Variants in C4orf54 observed in about 807,000 individuals in gnomAD.
C4orf54 encodes chromosome 4 open reading frame 54.
C4orf54 carries 67 observed loss-of-function variants against 80.1 expected under a neutral mutation model. The ratio of observed to expected loss-of-function variants is 0.84; its 90% CI spans 0.69 to 1.03. The LOEUF (loss-of-function observed/expected upper bound fraction) is 1.03, where lower values mean the gene tolerates loss of function less well. C4orf54 is among the 50% of genes least tolerant of loss of function. The pLI is 0.00. For synonymous variants in C4orf54, 1,000 were observed against 917.0 expected, an observed-to-expected ratio of 1.09 and a Z score of -1.64; for missense variants, 2,434 against 2,253.5, an observed-to-expected ratio of 1.08 and a Z score of -1.62.
In C4orf54 at chr4:99,651,415, C is replaced by G; in HGVS notation, c.3234G>C (p.Gly1078=). 2.6e-6 allele frequency: 4 copies of G among 1,536,200 alleles called. No homozygotes were observed. The highest frequency in any genetic ancestry group is 3.5e-6 in the Non-Finnish European group (4 of 1,146,908). The change falls in exon 2 of 3, where the codon GGG becomes GGC. Residue 1078 remains glycine (G), a synonymous_variant. Transcript: ENST00000511828. The part of the protein sequence containing the change: ...NSRAQQKLFR[G]DNLEKVPHFQ... ...AATGGGGCACTTTTTCTAGGTTGTC[C>G]CCGCGGAAGAGTTTCTGCTGTGCCC...
chr4:99,646,260 G>T (rs1726699250), intron 2 of C4orf54, among the ~76,000 whole-genome samples: 1 of 152,166 alleles, frequency 6.6e-6, no homozygotes, highest in Admixed American at 6.5e-5. Context: ...CACTCCTGCT[G>T]GAGTGTAGGC....
Position 99,652,552 on chromosome 4 carries a change from C to T in C4orf54, c.2097G>A (p.Arg699=). 6.5e-7 allele frequency: 1 copy of T among 1,536,062 alleles called. No individual in the cohort carries two copies. The highest frequency in any genetic ancestry group is 1.4e-5 in the African/African-American group (1 of 73,132). The part of the protein sequence containing the change: ...AAGLRKGSGA[R]ATADQLYIQS... ...GGATGTAGAGCTGGTCGGCAGTGGCCCGGGCCCCACTGCCCTTCCTCAGAC... is the reference window on the plus strand; with the variant it reads ...GGATGTAGAGCTGGTCGGCAGTGGCTCGGGCCCCACTGCCCTTCCTCAGAC... Residue 699 remains arginine, a synonymous_variant, in exon 2 of 3, where the codon CGG becomes CGA. Coordinates refer to ENST00000511828, the MANE Select transcript of C4orf54 (RefSeq NM_001354435.2).
At chr4:99,656,525 C>T (rs781020252) in intron 1 of C4orf54, among the ~76,000 whole-genome samples, 4 of 152,148 alleles carry the variant, frequency 2.6e-5, no homozygotes, top group Non-Finnish European at 4.4e-5. Flanking sequence ...GTGATCCACT[C>T]GTCTCGGCTT....
chr4:99,653,940 T>C lies in C4orf54; in HGVS notation c.709A>G (p.Ser237Gly), dbSNP rs1462996902. 6.5e-7 allele frequency: 1 copy of C among 1,536,270 alleles called. No homozygotes were observed. Among genetic ancestry groups the C allele is most frequent in the Non-Finnish European group, 8.7e-7 (1 of 1,146,892 alleles). The change falls in exon 2 of 3, where the codon AGC becomes GGC. Residue 237 changes from serine to glycine, a missense_variant. Coordinates refer to ENST00000511828, the MANE Select transcript of C4orf54 (RefSeq NM_001354435.2). ...TTCTGGGGGCTTGGAGTCTTGCTGC[T>C]GGGTTCATCTTGGGCTTTCTCCTTT... is the stretch of plus-strand genomic sequence containing the variant. ...SPKEKAQDEP[S>G]SKTPSPQNNP...
rs1424060673 is a variant in C4orf54, at chr4:99,649,397, C to T, written c.5252G>A (p.Gly1751Glu). 1.3e-6 allele frequency: 2 copies of T among 1,536,124 alleles called. No individual in the cohort carries two copies. Among genetic ancestry groups the T allele is most frequent in the East Asian group, 2.4e-5 (1 of 40,912 alleles). Residue 1751 changes from glycine (G) to glutamate (E), a missense_variant, in exon 2 of 3, where the codon GGG becomes GAG. Physicochemically the swap from Gly to Glu is moderately conservative, Grantham distance 98. Transcript: ENST00000511828. ...SAPAATSQLL[G>E]AKAFAQLHGK... is the part of the protein sequence containing the mutation. The stretch of plus-strand genomic sequence containing the variant: ...ATGCAGCTGGGCAAAGGCCTTGGCC[C>T]CTAGGAGCTGGGATGTGGCTGCTGG...
At position 99,654,105 on chromosome 4, in the gene C4orf54, G is replaced by A; in HGVS notation, c.544C>T (p.Pro182Ser). The A allele has an allele frequency of 6.5e-7, 1 of 1,536,150 alleles. No homozygotes were observed. The highest frequency in any genetic ancestry group is 2.4e-5 in the East Asian group (1 of 40,902). ...CGCTGGGAGGAGGCTGAAGGCTTGG[G>A]AAGTGGCCACAGCTGCTGCTTGAGC... is the stretch of plus-strand genomic sequence containing the variant. The part of the protein sequence containing the change: ...QELKQQLWPL[P>S]KPSASSQREA... Residue 182 changes from proline to serine, a missense_variant, in exon 2 of 3, where the codon CCC (proline) becomes TCC (serine). Transcript: ENST00000511828.
rs994408445 is a variant in C4orf54, at chr4:99,651,950, G to C, written c.2699C>G (p.Ala900Gly). ...TGCGTTGCGCTCGCGAGGAGTACTG[G>C]CTTTGAAGACTGGAGATTTGGAGCC... is the stretch of plus-strand genomic sequence containing the variant. ...VAGSKSPVFK[A>G]STPRERNAGP... Residue 900 changes from alanine (A) to glycine (G), a missense_variant, in exon 2 of 3, where the codon GCC becomes GGC. By Grantham distance (60) the Ala-to-Gly change is moderately conservative. Transcript: ENST00000511828. 35 of 1,536,020 alleles carry C rather than the reference G, an allele frequency of 2.3e-5. No individual in the cohort carries two copies. The highest frequency in any genetic ancestry group is 2.3e-5 in the Non-Finnish European group (26 of 1,146,916).
intron 2 of C4orf54, among the ~76,000 whole-genome samples, chr4:99,643,739 A>AAC (rs754039570): frequency 0.033 from 3,226 of 98,842 alleles, 78 homozygotes; most frequent in Middle Eastern, 0.053. Flanking sequence ...CCCAAGCCAC[A>AAC]ACACACACAC....
chr4:99,638,191 T>C lies in C4orf54; in HGVS notation c.*3042A>G, dbSNP rs2110245424. ...TATAAAGATATAAAGTGTGATTTGC[T>C]TTAGCTTATTTACTCCCTGATAAAT... is the stretch of plus-strand genomic sequence containing the variant. On this transcript the variant is annotated 3_prime_UTR_variant, in exon 3 of 3. Coordinates refer to ENST00000511828, the MANE Select transcript of C4orf54 (RefSeq NM_001354435.2). 6.6e-6 allele frequency: 1 copy of C among 152,276 alleles called. No individual in the cohort carries two copies. Among genetic ancestry groups the C allele is most frequent in the South Asian group, 2.1e-4 (1 of 4,826 alleles). 9.4% of individuals were successfully genotyped at this position (152,276 alleles called of 1,614,324 possible).
intron 2 of C4orf54, among the ~76,000 whole-genome samples, chr4:99,647,923 A>T (rs1726727704): frequency 6.6e-6 from 1 of 152,214 alleles, no homozygotes; most frequent in Non-Finnish European, 1.5e-5. Flanking sequence ...TCCCGAATGA[A>T]GGCTCTTTCA....
rs918516438 is a variant in C4orf54, at chr4:99,640,899, A to C, written c.*334T>G. 6.6e-6 allele frequency: 1 copy of C among 152,208 alleles called. No homozygotes were observed. Among genetic ancestry groups the C allele is most frequent in the African/African-American group, 2.4e-5 (1 of 41,462 alleles). The allele number at this position is 152,208 out of a possible 1,614,324, so 9.4% of individuals were successfully genotyped here. A position where few individuals can be genotyped will look rare whatever the true frequency, so the allele number is the denominator to read the frequency against. The stretch of plus-strand genomic sequence containing the variant: ...ATGGGAACAAAGGAATTGTTTGTCT[A>C]GTCACAAGTACAGGGGGGAAGGAGG... On this transcript the variant is annotated 3_prime_UTR_variant, in exon 3 of 3. Transcript: ENST00000511828.
chr4:99,647,840 T>TA (rs36019371), intron 2 of C4orf54, among the ~76,000 whole-genome samples: 3 of 152,196 alleles, frequency 2.0e-5, no homozygotes, highest in Non-Finnish European at 2.9e-5. Flanking sequence ...ACATGAATGC[T>TA]AAAAAGTTTG....
Position 99,652,507 on chromosome 4 carries a change from G to C in C4orf54, c.2142C>G (p.Thr714=), listed in dbSNP as rs1210413947. Residue 714 remains threonine, a synonymous_variant, in exon 2 of 3, where the codon ACC becomes ACG. Transcript: ENST00000511828. ...TGCTGACCACGAACTCCAAGGCCTT[G>C]GTCTGAGACTTCTTGGACTGGATGT... ...QLYIQSKKSQ[T]KALEFVVSKV... is the part of the protein sequence containing the mutation. 6.5e-7 allele frequency: 1 copy of C among 1,536,064 alleles called. No homozygotes were observed. The highest frequency in any genetic ancestry group is 2.0e-5 in the Admixed American group (1 of 51,004).
Position 99,651,300 on chromosome 4 carries a change from C to A in C4orf54, c.3349G>T (p.Asp1117Tyr), listed in dbSNP as rs556393407. The change falls in exon 2 of 3, where the codon GAT (aspartate) becomes TAT (tyrosine). Residue 1117 changes from aspartate to tyrosine, a missense_variant. Coordinates refer to ENST00000511828, the MANE Select transcript of C4orf54 (RefSeq NM_001354435.2). ...DVRKLIKGSG[D>Y]SSDKGSVTPE... is the part of the protein sequence containing the mutation. ...GTAACACTGCCCTTGTCACTACTAT[C>A]CCCTGACCCTTTAATTAGTTTCCTG... 1.6e-4 allele frequency: 245 copies of A among 1,536,156 alleles called. 2 individuals are homozygous for A. The African/African-American group carries it at 2.6e-3, about 16-fold the overall frequency.
In C4orf54 at chr4:99,652,421, G is replaced by A. The variant is rs537298774; in HGVS notation, c.2228C>T (p.Thr743Met). The change falls in exon 2 of 3, where the codon ACG becomes ATG. Residue 743 changes from threonine to methionine, a missense_variant. By Grantham distance (81) the Thr-to-Met change is moderately conservative. Coordinates refer to ENST00000511828, the MANE Select transcript of C4orf54 (RefSeq NM_001354435.2). ...TPLCFQKQVQTGSRVVTLLEP... is the reference protein window; with the variant it reads ...TPLCFQKQVQMGSRVVTLLEP... ...CAAAAGGGTGACGACGCGGGAGCCC[G>A]TCTGGACCTGCTTCTGGAAACACAG... The A allele has an allele frequency of 3.3e-6, 5 of 1,535,960 alleles. No individual in the cohort carries two copies. Among genetic ancestry groups the A allele is most frequent in the Admixed American group, 2.0e-5 (1 of 50,984 alleles).
At position 99,650,572 on chromosome 4, in the gene C4orf54, A is replaced by G; in HGVS notation, c.4077T>C (p.Phe1359=). The G allele has an allele frequency of 2.6e-6, 4 of 1,536,012 alleles. No homozygotes were observed. The highest frequency in any genetic ancestry group is 3.5e-6 in the Non-Finnish European group (4 of 1,146,870). The change falls in exon 2 of 3, where the codon TTT becomes TTC. Residue 1359 remains phenylalanine, a synonymous_variant. Transcript: ENST00000511828. ...AESVSARAAA[F]ENLARERPRS... is the part of the protein sequence containing the mutation. ...GGGGTCTTTCCCTGGCCAGGTTCTC[A>G]AAGGCCGCTGCCCTGGCAGACACAC...
chr4:99,656,886 C>T (rs762223880), intron 1 of C4orf54, among the ~76,000 whole-genome samples: 15 of 152,180 alleles, frequency 9.9e-5, no homozygotes, highest in Non-Finnish European at 2.2e-4. Context: ...CTGCAGGGCA[C>T]CCGGATTCAC....
At position 99,654,593 on chromosome 4, in the gene C4orf54, G is replaced by T. The variant is rs1447117407; in HGVS notation, c.56C>A (p.Ser19Tyr). 1 of 702,768 alleles carries T rather than the reference G, an allele frequency of 1.4e-6. No individual in the cohort carries two copies. The highest frequency in any genetic ancestry group is 1.5e-5 in the South Asian group (1 of 67,600). The allele number at this position is 702,768 out of a possible 1,614,324, so 43.5% of individuals were successfully genotyped here. A position where few individuals can be genotyped will look rare whatever the true frequency, so the allele number is the denominator to read the frequency against. ...SRGQPTDAAS[S>Y]VADGIQTPRC... ...AGGAGTCTGAATGCCATCGGCCACG[G>T]AAGAAGCAGCATCTGTAGGTTGACC... The change falls in exon 2 of 3, where the codon TCC (serine) becomes TAC (tyrosine). Residue 19 changes from serine to tyrosine, a missense_variant. By Grantham distance (144) the Ser-to-Tyr change is moderately radical. Transcript: ENST00000511828.
chr4:99,654,391 G>A lies in C4orf54; in HGVS notation c.258C>T (p.Asn86=), dbSNP rs1244798847. ...CTGCCACTGCTGCCACCACCTCCCA[G>A]TTCTTCAGCCCCTGTGGCGGGGCCG... ...LAAAPPQGLK[N]WEVVAAVAAV... is the part of the protein sequence containing the mutation. Residue 86 remains asparagine, a synonymous_variant, in exon 2 of 3, where the codon AAC becomes AAT. Coordinates refer to ENST00000511828, the MANE Select transcript of C4orf54 (RefSeq NM_001354435.2). 1 of 920,486 alleles carries A rather than the reference G, an allele frequency of 1.1e-6. No homozygotes were observed. The highest frequency in any genetic ancestry group is 2.0e-5 in the Admixed American group (1 of 50,250). The allele number at this position is 920,486 out of a possible 1,614,324, so 57.0% of individuals were successfully genotyped here. A position where few individuals can be genotyped will look rare whatever the true frequency, so the allele number is the denominator to read the frequency against.
Sources: gnomAD v4.1 joint callset for allele counts (sites outside exome capture counted in the v4.1 genomes callset) on GRCh38, gnomAD v4.1.1 for gene constraint, MANE v1.5 for transcripts, NCBI Gene and HGNC (gene_info 2026-07-23, HGNC 2026-07-21) for gene names.